The following KMT5C variants were observed in gnomAD, a reference collection of about 807,000 sequenced individuals.
The protein encoded by KMT5C is lysine methyltransferase 5C, also known as histone-lysine N-methyltransferase KMT5C.
Under a neutral mutation model 38.2 loss-of-function variants are expected in KMT5C, and 16 were observed. The observed-to-expected ratio is 0.42, with a 90% CI of 0.28 to 0.64. The LOEUF (loss-of-function observed/expected upper bound fraction) is 0.64. Among genes scored for constraint, KMT5C ranks in the 30% least tolerant of loss-of-function variants. The pLI is 0.23. For synonymous variants in KMT5C, 291 were observed against 279.0 expected (o/e 1.04, Z -0.43); for missense variants, 598 against 665.1 (o/e 0.90, Z 1.11).
intron 6 of KMT5C, chr19:55,344,223 G>T (rs1435013838): frequency 2.4e-6 from 1 of 424,852 alleles, no homozygotes; most frequent in South Asian, 2.6e-5. Flanking sequence ...TTAGTCGGGC[G>T]TGGTGGCGGG....
At chr19:55,344,110 C>T (rs1600264057) in intron 6 of KMT5C, 113 bp downstream of exon 6, 1 of 1,181,818 alleles carries the variant, frequency 8.5e-7, no homozygotes, top group African/African-American at 1.5e-5. Context: ...CGCGGTGGCT[C>T]ATGCCTGTAA....
chr19:55,341,663 G>GGAGCAA (rs1265418142), intron 1 of KMT5C, 131 bp from the exon 2 acceptor site: 1 of 506,878 alleles, frequency 2.0e-6, no homozygotes, highest in Non-Finnish European at 3.6e-6. Flanking sequence ...TCTGCGCTGC[G>GGAGCAA]GAGCAAGAGC....
Position 55,347,460 on chromosome 19 carries a change from G to A in KMT5C, c.*11G>A, listed in dbSNP as rs748228672. ...GGTGAAGAGCTGTGACAGGCCGGAC[G>A]GGGAGGCCCAGCAGGGAGAGAGGGT... On this transcript the variant is annotated 3_prime_UTR_variant, in exon 9 of 9. Coordinates refer to ENST00000255613, the MANE Select transcript of KMT5C (RefSeq NM_032701.4). The surrounding 1 kb of genome is among the most constrained non-coding windows in gnomAD (Gnocchi z 4.6). 5.9e-6 allele frequency: 9 copies of A among 1,520,210 alleles called. No individual in the cohort carries two copies. Among genetic ancestry groups the A allele is most frequent in the South Asian group, 3.8e-5 (3 of 78,010 alleles). The allele number at this position is 1,520,210 out of a possible 1,614,324, so 94.2% of individuals were successfully genotyped here.
At chr19:55,346,087 A>G in intron 6 of KMT5C, 126 bp from the exon 7 acceptor site, 1 of 1,166,666 alleles carries the variant, frequency 8.6e-7, no homozygotes, top group Non-Finnish European at 1.2e-6. Context: ...TGCCACTTTT[A>G]GGGGCTCAGC....
rs1240577190 is a variant in KMT5C, at chr19:55,342,786, C to T, written c.321C>T (p.Thr107=). The part of the protein sequence containing the change: ...LRAFLPESGF[T]ILPCTRYSME... ...CCTTCCTGCCGGAAAGTGGCTTTAC[C>T]ATCCTGCCCTGCACGCGCTACTCCA... is the stretch of plus-strand genomic sequence containing the variant. The change falls in exon 4 of 9, where the codon ACC becomes ACT. Residue 107 remains threonine (T), a synonymous_variant. Transcript: ENST00000255613. 6.2e-7 allele frequency: 1 copy of T among 1,613,630 alleles called. No individual in the cohort carries two copies. The highest frequency in any genetic ancestry group is 8.5e-7 in the Non-Finnish European group (1 of 1,179,620).
rs924551494 is a variant in KMT5C, at chr19:55,345,996, G to A, written c.571-217G>A. The A allele has an allele frequency of 1.2e-5, 7 of 595,692 alleles. 1 individual carries two copies. The highest frequency in any genetic ancestry group is 6.0e-5 in the Admixed American group (2 of 33,398). 36.9% of individuals were successfully genotyped at this position (595,692 alleles called of 1,614,324 possible). On this transcript the variant is annotated intron_variant, in intron 6 of 8. Transcript: ENST00000255613. The stretch of plus-strand genomic sequence containing the variant: ...AGGTTAGATCATCGTCCTGCAGGGA[G>A]GGGTGGAAACCAGCCAGTGGGTGGA...
chr19:55,344,377 AAAG>A (rs2089594082), intron 6 of KMT5C: 3 of 281,548 alleles, frequency 1.1e-5, no homozygotes, highest in East Asian at 9.7e-5. Flanking sequence ...AAAAAAAAAA[AAAG>A]AGCCAAATGC....
Position 55,347,184 on chromosome 19 carries a change from C to T in KMT5C, c.1124C>T (p.Ala375Val), listed in dbSNP as rs1315124323. ...HCRLRGEALVALGQPPHARWA... is the reference protein window; with the variant it reads ...HCRLRGEALVVLGQPPHARWA... Reference sequence around the variant, plus strand: ...CGCCTGCGAGGAGAGGCCCTGGTGGCCCTGGGCCAGCCCCCCCACGCCCGC... The same window carrying T: ...CGCCTGCGAGGAGAGGCCCTGGTGGTCCTGGGCCAGCCCCCCCACGCCCGC... Residue 375 changes from alanine to valine, a missense_variant, in exon 9 of 9, where the codon GCC (alanine) becomes GTC (valine). Transcript: ENST00000255613. The surrounding 1 kb of genome is among the most constrained non-coding windows in gnomAD (Gnocchi z 4.6). 6.5e-6 allele frequency: 10 copies of T among 1,537,158 alleles called. No individual in the cohort carries two copies. The highest frequency in any genetic ancestry group is 7.8e-6 in the Non-Finnish European group (9 of 1,146,706).
chr19:55,346,045 G>C, intron 6 of KMT5C, 168 bp from the exon 7 acceptor site: 7 of 713,536 alleles, frequency 9.8e-6, no homozygotes, highest in Non-Finnish European at 1.6e-5. Context: ...ACAGGCAAAG[G>C]ACAGGCCCTC....
At position 55,343,725 on chromosome 19, in the gene KMT5C, G is replaced by T; in HGVS notation, c.432G>T (p.Glu144Asp). 6.3e-7 allele frequency: 1 copy of T among 1,575,922 alleles called. No individual in the cohort carries two copies. Residue 144 changes from glutamate to aspartate, a missense_variant, in exon 5 of 9, where the codon GAG becomes GAT. Physicochemically the swap from Glu to Asp is conservative, Grantham distance 45 (BLOSUM62 2). This residue lies in a region of KMT5C where 105 missense variants were observed against 179.2 expected (regional missense o/e 0.59). Coordinates refer to ENST00000255613, the MANE Select transcript of KMT5C (RefSeq NM_032701.4). The surrounding 1 kb of genome is among the most constrained non-coding windows in gnomAD (Gnocchi z 5.5). ...AGCTGCTGGTGGGCTGCATTGCAGAGCTGCGGGAGGCAGATGAGGGGCTGC... is the reference window on the plus strand; with the variant it reads ...AGCTGCTGGTGGGCTGCATTGCAGATCTGCGGGAGGCAGATGAGGGGCTGC... ...KLELLVGCIA[E>D]LREADEGLLR...
Position 55,343,853 on chromosome 19 carries a change from A to G in KMT5C, c.550+10A>G, listed in dbSNP as rs373916669. 1.1e-5 allele frequency: 17 copies of G among 1,613,170 alleles called. No individual in the cohort carries two copies. The highest frequency in any genetic ancestry group is 1.4e-5 in the Non-Finnish European group (17 of 1,179,548). Reference sequence around the variant, plus strand: ...GCCTTCATCAACCATGGTGAGGGTCAGGCAGGTGGATGGGCAGGACGGGAT... The same window carrying G: ...GCCTTCATCAACCATGGTGAGGGTCGGGCAGGTGGATGGGCAGGACGGGAT... On this transcript the variant is annotated intron_variant, in intron 5 of 8. Transcript: ENST00000255613. The surrounding 1 kb of genome is among the most constrained non-coding windows in gnomAD (Gnocchi z 5.5).
chr19:55,344,711 AG>A (rs772254801), intron 6 of KMT5C: 16 of 523,006 alleles, frequency 3.1e-5, no homozygotes, highest in African/African-American at 2.7e-4. Context: ...GCCAGGACTC[AG>A]GATGCTGTCC....
At chr19:55,344,693 C>T (rs574699390) in intron 6 of KMT5C, 1 of 519,656 alleles carries the variant, frequency 1.9e-6, no homozygotes, top group African/African-American at 1.9e-5. Context: ...GGCCAGAGAG[C>T]CCCAGGGGCC....
chr19:55,343,053 G>A lies in KMT5C; in HGVS notation c.386+202G>A, dbSNP rs2123191560. The A allele has an allele frequency of 8.3e-5, 47 of 565,018 alleles. 2 individuals carry two copies. In the South Asian group the frequency reaches 9.3e-4, roughly 11 times the overall value. The allele number at this position is 565,018 out of a possible 1,614,324, so 35.0% of individuals were successfully genotyped here. On this transcript the variant is annotated intron_variant, in intron 4 of 8. Coordinates refer to ENST00000255613, the MANE Select transcript of KMT5C (RefSeq NM_032701.4). The surrounding 1 kb of genome is among the most constrained non-coding windows in gnomAD (Gnocchi z 5.5). ...CGCTGGAGCAGGAGACCCCGGATGT[G>A]ACCCCAGGGTTCCTGGGGCTTCCAG...
rs2089585053 is a variant in KMT5C at position 55,343,603 on chromosome 19, G to A, written c.387-77G>A. ...GTCCCTCCTTCCTGGGTGCCTCTGT[G>A]CCGGAGGCCCGAGTCCCCTGAACAC... On this transcript the variant is annotated intron_variant, in intron 4 of 8. Coordinates refer to ENST00000255613, the MANE Select transcript of KMT5C (RefSeq NM_032701.4). This position sits in a 1 kb window ranked among gnomAD's most constrained non-coding sequence, Gnocchi z 5.5. 1 of 1,449,334 alleles carries A rather than the reference G, an allele frequency of 6.9e-7. No individual in the cohort carries two copies. The highest frequency in any genetic ancestry group is 1.4e-5 in the African/African-American group (1 of 71,156). The allele number at this position is 1,449,334 out of a possible 1,614,324, so 89.8% of individuals were successfully genotyped here. A position where few individuals can be genotyped will look rare whatever the true frequency, so the allele number is the denominator to read the frequency against.
In KMT5C at chr19:55,342,059, G is replaced by C; in HGVS notation, c.110+13G>C. 2 of 1,606,362 alleles carry C rather than the reference G, an allele frequency of 1.2e-6. No individual in the cohort carries two copies. Among genetic ancestry groups the C allele is most frequent in the Non-Finnish European group, 1.7e-6 (2 of 1,173,436 alleles). On this transcript the variant is annotated intron_variant, in intron 2 of 8. Coordinates refer to ENST00000255613, the MANE Select transcript of KMT5C (RefSeq NM_032701.4). ...AGATGAACGTCAGGTGAGGTGGCCT[G>C]GGGGCGAGGGTGGGCCCGAGGGGTC...
At chr19:55,340,456 C>T (rs1273145719) in intron 1 of KMT5C, among the ~76,000 whole-genome samples, 2 of 152,120 alleles carry the variant, frequency 1.3e-5, no homozygotes, top group East Asian at 1.9e-4. Context: ...CTCTCCCTGA[C>T]CCCTCTGTCC....
Position 55,346,608 on chromosome 19 carries a change from G to A in KMT5C, c.816G>A (p.Leu272=), listed in dbSNP as rs775756743. 6.3e-6 allele frequency: 10 copies of A among 1,575,128 alleles called. No homozygotes were observed. Among genetic ancestry groups the A allele is most frequent in the Non-Finnish European group, 8.6e-6 (10 of 1,161,162 alleles). ...RETKRRLQQG[L]DSGSRQGLLG... ...CCAAGCGGCGGCTGCAGCAAGGCCT[G>A]GACAGTGGCAGCCGACAGGGCCTGC... is the stretch of plus-strand genomic sequence containing the variant. Residue 272 remains leucine (L), a synonymous_variant, in exon 8 of 9, where the codon CTG becomes CTA. Transcript: ENST00000255613.
At chr19:55,342,425 CG>C in intron 3 of KMT5C, 45 bp downstream of exon 3, 1 of 1,391,708 alleles carries the variant, frequency 7.2e-7, no homozygotes, top group Non-Finnish European at 9.5e-7. Flanking sequence ...GTGTCCTCCC[CG>C]CTCACCGGGC....
Sources: allele counts gnomAD v4.1 joint callset (sites outside exome capture counted in the v4.1 genomes callset), GRCh38; gene constraint gnomAD v4.1.1; regional missense constraint gnomAD v4.1.1; non-coding constraint Gnocchi (gnomAD v3.1); transcripts MANE v1.5; gene names NCBI Gene and HGNC (gene_info 2026-07-23, HGNC 2026-07-21).